SPAG16: variants seen among roughly 807,000 people sequenced by gnomAD.
The protein encoded by SPAG16 is sperm associated antigen 16.
A neutral mutation model predicts 80.4 loss-of-function variants in SPAG16; 86 were observed. That is an observed-to-expected ratio of 1.07 (90% confidence interval 0.90 to 1.28). SPAG16 has a LOEUF of 1.28. SPAG16 is among the 50% of genes most tolerant of loss of function. The pLI is 0.00. For synonymous variants in SPAG16, 294 were observed against 265.9 expected (o/e 1.11, Z -1.03); for missense variants, 870 against 765.3 (o/e 1.14, Z -1.61).
intron 12 of SPAG16, among the ~76,000 whole-genome samples, chr2:213,939,878 C>T (rs1435272767): frequency 6.6e-6 from 1 of 152,076 alleles, no homozygotes; most frequent in Non-Finnish European, 1.5e-5. Context: ...AAATTTTTAT[C>T]TCTGGGTAGT....
intron 14 of SPAG16, among the ~76,000 whole-genome samples, chr2:214,148,071 CT>C (rs1176697143): frequency 1.3e-5 from 2 of 152,058 alleles, no homozygotes; most frequent in Non-Finnish European, 2.9e-5. Flanking sequence ...GAAAGGGAAA[CT>C]GTACATCAAA....
At chr2:213,594,400 C>T (rs940692795) in intron 10 of SPAG16, among the ~76,000 whole-genome samples, 4 of 152,224 alleles carry the variant, frequency 2.6e-5, no homozygotes, top group Admixed American at 1.3e-4. Flanking sequence ...GTTGGGCTAA[C>T]ATAATAGCTC....
intron 13 of SPAG16, among the ~76,000 whole-genome samples, chr2:214,086,125 C>A (rs2125288123): frequency 6.6e-6 from 1 of 152,284 alleles, no homozygotes; most frequent in South Asian, 2.1e-4. Flanking sequence ...AGCCATCACA[C>A]CACTTATTCT....
At chr2:213,379,044 G>T (rs763435244) in intron 9 of SPAG16, among the ~76,000 whole-genome samples, 1 of 152,200 alleles carries the variant, frequency 6.6e-6, no homozygotes, top group Non-Finnish European at 1.5e-5. Context: ...AGCCCAAAGT[G>T]TCCAAGTGGC....
intron 10 of SPAG16, among the ~76,000 whole-genome samples, chr2:213,791,252 A>C (rs1038791043): frequency 1.4e-4 from 21 of 152,022 alleles, no homozygotes; most frequent in Admixed American, 1.0e-3. Flanking sequence ...TTAACCTTGC[A>C]GTGAAAAAAT....
At chr2:213,962,051 A>T (rs996256816) in intron 12 of SPAG16, among the ~76,000 whole-genome samples, 1 of 152,080 alleles carries the variant, frequency 6.6e-6, no homozygotes, top group African/African-American at 2.4e-5. Flanking sequence ...ACTAATTGTT[A>T]TGGACTGAAC....
chr2:213,426,830 GATAC>G lies in SPAG16; in HGVS notation c.942+51717_942+51720del, dbSNP rs1159256156. On this transcript the variant is annotated intron_variant, in intron 9 of 15. Transcript: ENST00000331683. ...ATGAACTTTTTCAAAAGATTATTCT[GATAC>G]ATACACACACACACACACACACACA... is the stretch of plus-strand genomic sequence containing the variant. 9.2e-3 allele frequency among the ~76,000 whole-genome samples: 641 copies of G among 69,696 alleles called. 4 individuals are homozygous for G. The highest frequency in any genetic ancestry group is 0.026 in the African/African-American group (566 of 21,490). 45.7% of individuals were successfully genotyped at this position (69,696 alleles called of 152,430 possible).
intron 10 of SPAG16, among the ~76,000 whole-genome samples, chr2:213,731,409 C>G (rs1188166768): frequency 6.6e-6 from 1 of 151,430 alleles, no homozygotes; most frequent in Non-Finnish European, 1.5e-5. Flanking sequence ...ATCCATCCAC[C>G]TCGGCCTCCC....
intron 15 of SPAG16, among the ~76,000 whole-genome samples, chr2:214,169,470 G>A (rs2056792112): frequency 6.6e-6 from 1 of 152,036 alleles, no homozygotes; most frequent in South Asian, 2.1e-4. Context: ...GAGATAATGA[G>A]GGTGGGGACT....
At chr2:214,050,062 G>A (rs1322315063) in intron 13 of SPAG16, among the ~76,000 whole-genome samples, 4 of 151,934 alleles carry the variant, frequency 2.6e-5, no homozygotes, top group Non-Finnish European at 4.4e-5. Context: ...CAATCAACAC[G>A]GCTGGTGTGG....
At chr2:213,635,970 G>T (rs977883925) in intron 10 of SPAG16, among the ~76,000 whole-genome samples, 5 of 152,068 alleles carry the variant, frequency 3.3e-5, no homozygotes. Flanking sequence ...CCGTCTATTT[G>T]TCTTTCCTTT....
chr2:213,775,294 C>A (rs188635651), intron 10 of SPAG16, among the ~76,000 whole-genome samples: 14 of 152,208 alleles, frequency 9.2e-5, no homozygotes, highest in Admixed American at 9.2e-4. Flanking sequence ...TGCAACTTTT[C>A]TAAATCACTT....
At chr2:213,592,379 A>G (rs2060726172) in intron 10 of SPAG16, among the ~76,000 whole-genome samples, 1 of 152,234 alleles carries the variant, frequency 6.6e-6, no homozygotes, top group Admixed American at 6.5e-5. Flanking sequence ...GAAAAATTAA[A>G]TAAAGGGTTT....
intron 14 of SPAG16, among the ~76,000 whole-genome samples, chr2:214,134,484 T>G (rs2054944158): frequency 6.6e-6 from 1 of 152,370 alleles, no homozygotes; most frequent in African/African-American, 2.4e-5. Flanking sequence ...TTTATTTAAT[T>G]TATTGTATGT....
At chr2:213,341,849 C>A (rs1338577753) in intron 6 of SPAG16, among the ~76,000 whole-genome samples, 2 of 152,006 alleles carry the variant, frequency 1.3e-5, no homozygotes, top group African/African-American at 4.8e-5. Flanking sequence ...CCAGTATTTC[C>A]CATTTAACAC....
intron 9 of SPAG16, among the ~76,000 whole-genome samples, chr2:213,385,740 T>C (rs1183873499): frequency 6.6e-6 from 1 of 151,760 alleles, no homozygotes; most frequent in East Asian, 1.9e-4. Context: ...TTCAGGGAAA[T>C]ATGAAGATTT....
At chr2:213,537,819 G>A (rs1470313076) in intron 10 of SPAG16, among the ~76,000 whole-genome samples, 1 of 152,002 alleles carries the variant, frequency 6.6e-6, no homozygotes, top group East Asian at 1.9e-4. Flanking sequence ...CTGATGTTTC[G>A]GTCAGTTATG....
chr2:213,883,775 G>T (rs937383845), intron 11 of SPAG16, among the ~76,000 whole-genome samples: 1 of 152,088 alleles, frequency 6.6e-6, no homozygotes, highest in African/African-American at 2.4e-5. Context: ...GCCTTCCATT[G>T]CCCTTTTAAA....
intron 10 of SPAG16, among the ~76,000 whole-genome samples, chr2:213,808,941 T>C (rs921961473): frequency 6.6e-5 from 10 of 152,116 alleles, no homozygotes; most frequent in African/African-American, 2.4e-5. Context: ...ATGCACATCA[T>C]AGATTAATGG....
Sources: gnomAD v4.1 joint callset for allele counts (sites outside exome capture counted in the v4.1 genomes callset) on GRCh38, gnomAD v4.1.1 for gene constraint, MANE v1.5 for transcripts, NCBI Gene and HGNC (gene_info 2026-07-23, HGNC 2026-07-21) for gene names.